The following ZNF706 variants were observed in gnomAD, a reference collection of about 807,000 sequenced individuals.
ZNF706 encodes transcriptional regulator ZNF706.
In ZNF706, 4 loss-of-function variants were observed where a neutral mutation model predicts 9.2. The observed-to-expected ratio is 0.43, with a 90% confidence interval of 0.21 to 0.99. The LOEUF is 0.99. Ranked by LOEUF, ZNF706 falls within the 50% of genes least tolerant of loss-of-function variation. ZNF706 has a pLI of 0.26. For synonymous variants in ZNF706, 28 were observed against 27.3 expected, an observed-to-expected ratio of 1.03 and a Z score of -0.08; for missense variants, 27 against 87.8, an observed-to-expected ratio of 0.31 and a Z score of 2.77.
intron 2 of ZNF706, chr8:101,200,970 C>A (rs1211916919): frequency 3.8e-6 from 1 of 261,896 alleles, no homozygotes; most frequent in South Asian, 3.5e-5. Flanking sequence ...AGACCCCACA[C>A]AAATTGTTTA....
At chr8:101,199,844 A>G (rs1224566106) in intron 3 of ZNF706, 146 bp downstream of exon 3, 5 of 590,986 alleles carry the variant, frequency 8.5e-6, no homozygotes, top group South Asian at 2.1e-5. Flanking sequence ...TCTGAGAAAA[A>G]GGGACTTTTC....
chr8:101,204,733 T>C (rs1172039162), intron 1 of ZNF706: 1 of 985,460 alleles, frequency 1.0e-6, no homozygotes, highest in African/African-American at 1.7e-5. Context: ...AGTTCTAAAA[T>C]GAGGCGCTCT....
intron 1 of ZNF706, chr8:101,202,373 C>T (rs542265277): frequency 6.6e-6 from 1 of 150,646 alleles, no homozygotes; most frequent in South Asian, 2.1e-4. Flanking sequence ...TGGAGAATTG[C>T]TTGAATCCGG....
chr8:101,202,189 C>G, intron 1 of ZNF706: 2 of 152,692 alleles, frequency 1.3e-5, no homozygotes, highest in Non-Finnish European at 2.9e-5. Flanking sequence ...GCCTGTAATC[C>G]CAGCACTTTG....
In ZNF706 at chr8:101,205,444, G is replaced by A. The variant is rs1158034324; in HGVS notation, c.-12C>T. 6.6e-6 allele frequency: 1 copy of A among 152,288 alleles called. No individual in the cohort carries two copies. Among genetic ancestry groups the A allele is most frequent in the Non-Finnish European group, 1.5e-5 (1 of 68,188 alleles). 9.4% of individuals were successfully genotyped at this position (152,288 alleles called of 1,614,324 possible). A position where few individuals can be genotyped will look rare whatever the true frequency, so the allele number is the denominator to read the frequency against. On this transcript the variant is annotated 5_prime_UTR_variant, in exon 1 of 4. Coordinates refer to ENST00000311212, the MANE Select transcript of ZNF706 (RefSeq NM_016096.5). This position sits in a 1 kb window ranked among gnomAD's most constrained non-coding sequence, Gnocchi z 6.6. ...CCCCGCTGCCGCTCACCCGGGCCGG[G>A]ACAGTCTTGCGTCGGAGAGACAGTG...
At chr8:101,200,323 C>T (rs1002259688) in intron 2 of ZNF706, 2 of 395,620 alleles carry the variant, frequency 5.1e-6, no homozygotes, top group African/African-American at 4.1e-5. Flanking sequence ...ATGTATTCTG[C>T]TTATCTGATT....
Position 101,200,142 on chromosome 8 carries a change from AT to A in ZNF706, c.136-46del, listed in dbSNP as rs144887550. Reference sequence around the variant, plus strand: ...AAGAGAGCTAGACTTTATTTATAAAATAAAAATGTGTTACTTTTTAGAATCC... The same window carrying A: ...AAGAGAGCTAGACTTTATTTATAAAAAAAAATGTGTTACTTTTTAGAATCC... On this transcript the variant is annotated intron_variant, in intron 2 of 3. Coordinates refer to ENST00000311212, the MANE Select transcript of ZNF706 (RefSeq NM_016096.5). The A allele has an allele frequency of 8.7e-4, 1,290 of 1,479,330 alleles. 6 individuals carry two copies. The African/African-American group carries it at 0.015, about 17-fold the overall frequency. 91.6% of individuals were successfully genotyped at this position (1,479,330 alleles called of 1,614,324 possible).
intron 1 of ZNF706, chr8:101,204,215 A>G (rs965206558): frequency 9.9e-5 from 15 of 152,258 alleles, no homozygotes; most frequent in African/African-American, 3.6e-4. Flanking sequence ...TGTGACTCGT[A>G]CAAAGCAATG....
In ZNF706 at chr8:101,201,882, C is replaced by T; in HGVS notation, c.-2-139G>A. 1 of 897,792 alleles carries T rather than the reference C, an allele frequency of 1.1e-6. No individual in the cohort carries two copies. The highest frequency in any genetic ancestry group is 2.7e-5 in the East Asian group (1 of 37,404). The allele number at this position is 897,792 out of a possible 1,614,324, so 55.6% of individuals were successfully genotyped here. On this transcript the variant is annotated intron_variant, in intron 1 of 3. Transcript: ENST00000311212. The surrounding 1 kb of genome is among the most constrained non-coding windows in gnomAD (Gnocchi z 4.5). Reference sequence around the variant, plus strand: ...ATAAAAATTTATAGGTATTAAAATTCCCACATATAAATGCTACAAAAGTAT... The same window carrying T: ...ATAAAAATTTATAGGTATTAAAATTTCCACATATAAATGCTACAAAAGTAT...
At chr8:101,202,847 T>C (rs958353943) in intron 1 of ZNF706, 2 of 152,226 alleles carry the variant, frequency 1.3e-5, no homozygotes, top group African/African-American at 2.4e-5. Flanking sequence ...TGACTTGCGA[T>C]TGTGATTTTT....
intron 1 of ZNF706, chr8:101,204,600 T>C: frequency 1.0e-6 from 1 of 985,104 alleles, no homozygotes; most frequent in Non-Finnish European, 1.2e-6. Context: ...CAACCGCTCC[T>C]TGATTAAATG....
At chr8:101,203,868 C>T (rs1314797037) in intron 1 of ZNF706, 1 of 152,000 alleles carries the variant, frequency 6.6e-6, no homozygotes, top group East Asian at 1.9e-4. Context: ...TATTTAAGTC[C>T]GATGTTACCG....
At chr8:101,203,869 G>A (rs952631208) in intron 1 of ZNF706, 4 of 152,050 alleles carry the variant, frequency 2.6e-5, no homozygotes. Context: ...ATTTAAGTCC[G>A]ATGTTACCGC....
rs922794267 is a variant in ZNF706, at chr8:101,198,547, A to G, written c.*705T>C. 3 of 152,158 alleles carry G rather than the reference A, an allele frequency of 2.0e-5. No homozygotes were observed. Among genetic ancestry groups the G allele is most frequent in the African/African-American group, 7.2e-5 (3 of 41,438 alleles). The allele number at this position is 152,158 out of a possible 1,614,324, so 9.4% of individuals were successfully genotyped here. ...TATACATTAGAACCTAACCTTTCAC[A>G]AGGGCTCACTGACAATCCAACCGCT... On this transcript the variant is annotated 3_prime_UTR_variant, in exon 4 of 4. Transcript: ENST00000311212.
chr8:101,205,951 G>C (rs1017955298), upstream of ZNF706: 2 of 152,252 alleles, frequency 1.3e-5, no homozygotes, highest in Non-Finnish European at 2.9e-5. The surrounding 1 kb of genome is among the most constrained non-coding windows in gnomAD (Gnocchi z 6.6). Flanking sequence ...ACGTGATCCC[G>C]GTCCTGGTTG....
intron 1 of ZNF706, chr8:101,202,436 G>A (rs1473976654): frequency 6.6e-6 from 1 of 152,094 alleles, no homozygotes; most frequent in Non-Finnish European, 1.5e-5. Flanking sequence ...CAGCCTGGGC[G>A]ACAGTGAGAC....
intron 1 of ZNF706, chr8:101,204,218 A>C (rs1810668620): frequency 6.6e-6 from 1 of 152,254 alleles, no homozygotes; most frequent in Non-Finnish European, 1.5e-5. Flanking sequence ...GACTCGTACA[A>C]AGCAATGTCA....
chr8:101,202,749 T>C (rs1291252001), intron 1 of ZNF706: 1 of 152,216 alleles, frequency 6.6e-6, no homozygotes, highest in East Asian at 1.9e-4. Flanking sequence ...CTGTATGTAA[T>C]CTTCACAAGT....
rs1218798695 is a variant in ZNF706 at position 101,198,163 on chromosome 8, C to T, written c.*1089G>A. 6.6e-6 allele frequency: 1 copy of T among 152,060 alleles called. No homozygotes were observed. The highest frequency in any genetic ancestry group is 1.5e-5 in the Non-Finnish European group (1 of 67,998). 9.4% of individuals were successfully genotyped at this position (152,060 alleles called of 1,614,324 possible). ...AGATCTAAAAGAATGTGAATATTGA[C>T]CCATTTTAATACTTTTCAAGTTCAG... On this transcript the variant is annotated 3_prime_UTR_variant, in exon 4 of 4. Transcript: ENST00000311212.
Sources: allele counts gnomAD v4.1 joint callset, GRCh38; gene constraint gnomAD v4.1.1; non-coding constraint Gnocchi (gnomAD v3.1); transcripts MANE v1.5; gene names NCBI Gene and HGNC (gene_info 2026-07-23, HGNC 2026-07-21).